ITIH5: variants seen among roughly 807,000 people sequenced by gnomAD.
ITIH5 encodes the protein inter-alpha-trypsin inhibitor heavy chain 5.
A neutral mutation model predicts 77.5 loss-of-function variants in ITIH5; 65 were observed. The ratio of observed to expected loss-of-function variants is 0.84; its 90% CI spans 0.69 to 1.03. The LOEUF (loss-of-function observed/expected upper bound fraction) is 1.03, where lower values mean the gene tolerates loss of function less well. Ranked by LOEUF, ITIH5 falls within the 50% of genes least tolerant of loss-of-function variation. The probability of loss-of-function intolerance (pLI) is 0.00; values close to 1 mark genes in which losing one functional copy is unlikely to be tolerated. For synonymous variants in ITIH5, 525 were observed against 494.3 expected, an observed-to-expected ratio of 1.06 and a Z score of -0.82; for missense variants, 1,208 against 1,213.1, an observed-to-expected ratio of 1.00 and a Z score of 0.06.
chr10:7,637,554 C>T, intron 4 of ITIH5, 76 bp from the exon 5 acceptor site: 1 of 1,461,204 alleles, frequency 6.8e-7, no homozygotes, highest in Non-Finnish European at 9.3e-7. Flanking sequence ...CCCCACAGGG[C>T]ACCAGCCATA....
At chr10:7,564,500 T>C (rs1564230233) in intron 13 of ITIH5, among the ~76,000 whole-genome samples, 2 of 152,148 alleles carry the variant, frequency 1.3e-5, no homozygotes, top group Admixed American at 6.5e-5. Flanking sequence ...CAAATACTTA[T>C]CATCGTGTTG....
intron 12 of ITIH5, among the ~76,000 whole-genome samples, chr10:7,568,563 A>C (rs1464780055): frequency 6.6e-6 from 1 of 151,326 alleles, no homozygotes; most frequent in Non-Finnish European, 1.5e-5. Flanking sequence ...AAAGTCCCAC[A>C]AGAAAACATG....
Position 7,577,022 on chromosome 10 carries a change from A to T in ITIH5, c.1419-10T>A. Reference sequence around the variant, plus strand: ...GATTTCATCGTAGAACCTGCAGTGGAAGCACAGGGAGGGAGGGAGATCAGG... The same window carrying T: ...GATTTCATCGTAGAACCTGCAGTGGTAGCACAGGGAGGGAGGGAGATCAGG... On this transcript the variant is annotated splice_polypyrimidine_tract_variant and intron_variant, in intron 9 of 13. Transcript: ENST00000397146. 6.3e-7 allele frequency: 1 copy of T among 1,599,974 alleles called. No individual in the cohort carries two copies. The highest frequency in any genetic ancestry group is 1.1e-5 in the South Asian group (1 of 89,380).
intron 12 of ITIH5, among the ~76,000 whole-genome samples, chr10:7,567,537 G>A (rs1433883112): frequency 6.7e-6 from 1 of 149,194 alleles, no homozygotes; most frequent in African/African-American, 2.5e-5. Flanking sequence ...CCCACCCTGT[G>A]TCCAAGTGTT....
Position 7,579,981 on chromosome 10 carries a change from C to T in ITIH5, c.1192G>A (p.Val398Met), listed in dbSNP as rs555891860. Residue 398 changes from valine to methionine, a missense_variant, in exon 9 of 14, where the codon GTG becomes ATG. Coordinates refer to ENST00000397146, the MANE Select transcript of ITIH5 (RefSeq NM_030569.7). ...TCCGTCAGGAAGACGATGAGGGACACGCTCCGGTCTCCAATGCCACTGTGG... is the reference window on the plus strand; with the variant it reads ...TCCGTCAGGAAGACGATGAGGGACATGCTCCGGTCTCCAATGCCACTGTGG... ...VAHSGIGDRS[V>M]SLIVFLTDGK... 8.7e-6 allele frequency: 14 copies of T among 1,614,136 alleles called. No individual in the cohort carries two copies. The highest frequency in any genetic ancestry group is 3.3e-5 in the Admixed American group (2 of 60,022).
At chr10:7,644,871 TCA>T (rs1833979026) in intron 2 of ITIH5, among the ~76,000 whole-genome samples, 1 of 126,694 alleles carries the variant, frequency 7.9e-6, no homozygotes, top group Admixed American at 8.7e-5. Context: ...CACATATATA[TCA>T]CATATATATA....
At chr10:7,601,699 G>A (rs753249953) in intron 7 of ITIH5, among the ~76,000 whole-genome samples, 11 of 152,018 alleles carry the variant, frequency 7.2e-5, no homozygotes, top group African/African-American at 9.7e-5. Flanking sequence ...CAGGGCCGAC[G>A]GCCATCCCTG....
In ITIH5 at chr10:7,563,155, G is replaced by A. The variant is rs757184944; in HGVS notation, c.2757C>T (p.Tyr919=). 1.2e-6 allele frequency: 2 copies of A among 1,614,016 alleles called. No homozygotes were observed. The highest frequency in any genetic ancestry group is 1.7e-6 in the Non-Finnish European group (2 of 1,179,892). ...NNAAKLIDGE[Y]KDYLASHPFD... ...ATGGATGGGATGCCAGGTAATCCTT[G>A]TACTCCCCGTCAATCAGTTTGGCGG... is the stretch of plus-strand genomic sequence containing the variant. Residue 919 remains tyrosine (Y), a synonymous_variant, in exon 14 of 14, where the codon TAC becomes TAT. Transcript: ENST00000397146.
chr10:7,632,666 C>A (rs1833731914), intron 5 of ITIH5, among the ~76,000 whole-genome samples: 1 of 152,120 alleles, frequency 6.6e-6, no homozygotes, highest in Admixed American at 6.5e-5. Flanking sequence ...CGTAGCCCCA[C>A]CCTAATACAT....
chr10:7,635,519 T>C (rs1833785470), intron 5 of ITIH5, among the ~76,000 whole-genome samples: 1 of 152,210 alleles, frequency 6.6e-6, no homozygotes, highest in Admixed American at 6.5e-5. Context: ...ACAATATTTT[T>C]GCTTTTTCTA....
intron 4 of ITIH5, among the ~76,000 whole-genome samples, 159 bp from the exon 5 acceptor site, chr10:7,637,637 G>A (rs6602257): frequency 0.42 from 64,470 of 151,878 alleles, 15,458 homozygotes; most frequent in African/African-American, 0.64. Context: ...ATAAAAATTC[G>A]TATTAGAAGA....
chr10:7,576,680 T>A lies in ITIH5; in HGVS notation c.1751A>T (p.Glu584Val), dbSNP rs762226474. Residue 584 changes from glutamate (E) to valine (V), a missense_variant, in exon 10 of 14, where the codon GAG becomes GTG. Coordinates refer to ENST00000397146, the MANE Select transcript of ITIH5 (RefSeq NM_030569.7). ...ERLWSYLTTK[E>V]LLSSWLQSDD... The stretch of plus-strand genomic sequence containing the variant: ...ACTTTGCAGCCAGGAGCTCAGCAGC[T>A]CCTTTGTGGTGAGGTAGCTCCAGAG... The A allele has an allele frequency of 1.1e-5, 17 of 1,614,004 alleles. No individual in the cohort carries two copies. In the South Asian group the frequency reaches 1.8e-4, roughly 17 times the overall value.
At chr10:7,627,732 G>T (rs975998201) in intron 5 of ITIH5, among the ~76,000 whole-genome samples, 17 of 151,686 alleles carry the variant, frequency 1.1e-4, no homozygotes, top group African/African-American at 3.6e-4. Flanking sequence ...CTGGCTTCCA[G>T]GGCATGTGGA....
At chr10:7,642,989 G>C (rs1381435943) in intron 2 of ITIH5, among the ~76,000 whole-genome samples, 2 of 152,244 alleles carry the variant, frequency 1.3e-5, no homozygotes, top group African/African-American at 4.8e-5. Context: ...GGGTTGCGGG[G>C]AAGGCAGTAT....
chr10:7,662,540 GC>G (rs1834293751), intron 1 of ITIH5, among the ~76,000 whole-genome samples: 1 of 152,160 alleles, frequency 6.6e-6, no homozygotes, highest in African/African-American at 2.4e-5. Flanking sequence ...GAAACACCCG[GC>G]TGGCATTCCC....
chr10:7,611,156 C>T (rs1373976706), intron 7 of ITIH5, among the ~76,000 whole-genome samples: 1 of 152,228 alleles, frequency 6.6e-6, no homozygotes, highest in Non-Finnish European at 1.5e-5. Flanking sequence ...AGACTTCAGA[C>T]CTGGGAGTAA....
chr10:7,574,602 G>A (rs1832368952), intron 10 of ITIH5, among the ~76,000 whole-genome samples: 1 of 151,894 alleles, frequency 6.6e-6, no homozygotes, highest in Non-Finnish European at 1.5e-5. Flanking sequence ...GACCATCCTG[G>A]CTAACACGGT....
At chr10:7,640,467 C>T (rs1408740776) in intron 4 of ITIH5, among the ~76,000 whole-genome samples, 3 of 144,288 alleles carry the variant, frequency 2.1e-5, no homozygotes, top group Non-Finnish European at 4.5e-5. Context: ...AAGAGTGAGA[C>T]CTCATTCCAA....
intron 12 of ITIH5, among the ~76,000 whole-genome samples, chr10:7,567,969 C>T (rs1832221266): frequency 6.6e-6 from 1 of 152,196 alleles, no homozygotes; most frequent in African/African-American, 2.4e-5. Context: ...CAGAAGGTAG[C>T]ATGTGTGTAA....
Sources: gnomAD v4.1 joint callset for allele counts (sites outside exome capture counted in the v4.1 genomes callset) on GRCh38, gnomAD v4.1.1 for gene constraint, MANE v1.5 for transcripts, NCBI Gene and HGNC (gene_info 2026-07-23, HGNC 2026-07-21) for gene names.